The following CCSER2 variants were observed in gnomAD, a reference collection of about 807,000 sequenced individuals.
CCSER2 encodes the protein coiled-coil serine rich protein 2.
In CCSER2, 46 loss-of-function variants were observed where a neutral mutation model predicts 92.3. That is an observed-to-expected ratio of 0.50 (90% CI 0.39 to 0.64). The LOEUF (loss-of-function observed/expected upper bound fraction) is 0.64, where lower values mean the gene tolerates loss of function less well. Ranked by LOEUF, CCSER2 falls within the 30% of genes least tolerant of loss-of-function variation. The pLI is 0.00. For missense variants in CCSER2, 1,244 were observed against 1,238.9 expected, an observed-to-expected ratio of 1.00 and a Z score of -0.06; for synonymous variants, 433 against 431.4, an observed-to-expected ratio of 1.00 and a Z score of -0.04.
rs372200920 is a variant in CCSER2 at position 84,347,782 on chromosome 10, G to A, written c.-40+18974G>A. On this transcript the variant is annotated intron_variant, in intron 1 of 9. Coordinates refer to ENST00000372088, the MANE Select transcript of CCSER2 (RefSeq NM_001284240.2). The stretch of plus-strand genomic sequence containing the variant: ...GGAGGGGCTCCTTCTCAGACGGGGC[G>A]GCTGGACAGAGACGCTCCTCACCTC... 1.5e-4 allele frequency among the ~76,000 whole-genome samples: 23 copies of A among 151,624 alleles called. No homozygotes were observed. In the South Asian group the frequency reaches 1.9e-3, roughly 12 times the overall value.
intron 3 of CCSER2, among the ~76,000 whole-genome samples, chr10:84,398,208 G>A (rs1200834412): frequency 6.6e-6 from 1 of 152,108 alleles, no homozygotes; most frequent in Non-Finnish European, 1.5e-5. Flanking sequence ...TCCTTCCTCT[G>A]TCTTCAAACC....
intron 4 of CCSER2, among the ~76,000 whole-genome samples, chr10:84,424,774 A>G (rs1843341312): frequency 6.6e-6 from 1 of 151,964 alleles, no homozygotes; most frequent in African/African-American, 2.4e-5. Context: ...GACTAGAGAA[A>G]CCTTTCCTGT....
At chr10:84,406,518 T>A (rs1842385847) in intron 3 of CCSER2, among the ~76,000 whole-genome samples, 1 of 152,192 alleles carries the variant, frequency 6.6e-6, no homozygotes. Flanking sequence ...TCTATTTGAA[T>A]AGAAATGTGT....
At chr10:84,356,022 G>A (rs1845149203) in intron 1 of CCSER2, among the ~76,000 whole-genome samples, 1 of 150,088 alleles carries the variant, frequency 6.7e-6, no homozygotes, top group Admixed American at 6.7e-5. Flanking sequence ...AGAATCACTT[G>A]AACCTGGGAG....
At chr10:84,388,357 C>T (rs1841340831) in intron 3 of CCSER2, among the ~76,000 whole-genome samples, 1 of 152,118 alleles carries the variant, frequency 6.6e-6, no homozygotes, top group African/African-American at 2.4e-5. Flanking sequence ...TACATTTGTC[C>T]TTTCACTGTG....
At chr10:84,402,392 A>AAAAAC (rs1186008639) in intron 3 of CCSER2, among the ~76,000 whole-genome samples, 3 of 152,206 alleles carry the variant, frequency 2.0e-5, no homozygotes, top group African/African-American at 4.8e-5. Flanking sequence ...ACTAACATGT[A>AAAAAC]AAAACAAAAC....
intron 3 of CCSER2, among the ~76,000 whole-genome samples, chr10:84,385,003 A>AC (rs1425736444): frequency 1.0e-4 from 15 of 147,960 alleles, no homozygotes; most frequent in African/African-American, 3.5e-4. Flanking sequence ...AATTTACAAT[A>AC]AACACACACA....
At position 84,460,651 on chromosome 10, in the gene CCSER2, A is replaced by G. The variant is rs1357579296; in HGVS notation, c.2065-3282A>G. Among the ~76,000 whole-genome samples the G allele has an allele frequency of 2.6e-5, 4 of 151,394 alleles. No homozygotes were observed. The East Asian group carries it at 7.8e-4, about 29-fold the overall frequency. ...TTTAAACCATGAATTCATTTTTATT[A>G]GTAGTCATATGTTTACACAGCTTAT... On this transcript the variant is annotated intron_variant, in intron 6 of 9. Transcript: ENST00000372088.
At chr10:84,437,612 T>C (rs189121493) in intron 5 of CCSER2, among the ~76,000 whole-genome samples, 1 of 152,284 alleles carries the variant, frequency 6.6e-6, no homozygotes, top group African/African-American at 2.4e-5. Flanking sequence ...AATATTTTGC[T>C]TTTTACTCCC....
At chr10:84,453,301 C>T (rs137984038) in intron 6 of CCSER2, among the ~76,000 whole-genome samples, 165 of 152,130 alleles carry the variant, frequency 1.1e-3, no homozygotes, top group African/African-American at 3.8e-3. Flanking sequence ...TCTTTGTGGG[C>T]TAGAACAGAG....
At chr10:84,337,912 T>C (rs1843930301) in intron 1 of CCSER2, among the ~76,000 whole-genome samples, 1 of 152,162 alleles carries the variant, frequency 6.6e-6, no homozygotes. Context: ...GTTGGTTATG[T>C]ATTTGTTAAG....
chr10:84,380,427 G>GT (rs1840834476), intron 3 of CCSER2, among the ~76,000 whole-genome samples: 2 of 151,872 alleles, frequency 1.3e-5, no homozygotes, highest in Admixed American at 1.3e-4. Context: ...CTTCTGTTTT[G>GT]TTTTTTGTAT....
intron 6 of CCSER2, among the ~76,000 whole-genome samples, chr10:84,459,869 C>T (rs990968347): frequency 4.0e-5 from 6 of 151,812 alleles, no homozygotes; most frequent in African/African-American, 1.5e-4. Flanking sequence ...TCTTTTATTC[C>T]TAGCTTTCTG....
intron 5 of CCSER2, among the ~76,000 whole-genome samples, chr10:84,427,712 C>G (rs999025513): frequency 2.0e-5 from 3 of 152,092 alleles, no homozygotes; most frequent in African/African-American, 7.2e-5. Flanking sequence ...CTGCCCAGAC[C>G]TCCTTTTTTT....
At chr10:84,342,072 T>C (rs1331283865) in intron 1 of CCSER2, among the ~76,000 whole-genome samples, 2 of 149,854 alleles carry the variant, frequency 1.3e-5, no homozygotes, top group African/African-American at 2.5e-5. Context: ...TTCCCCCCCC[T>C]GGAGGTTGGG....
chr10:84,336,067 T>G (rs192215670), intron 1 of CCSER2, among the ~76,000 whole-genome samples: 3 of 152,248 alleles, frequency 2.0e-5, no homozygotes, highest in Admixed American at 6.5e-5. Flanking sequence ...ATTTTAGGAG[T>G]AGTATGGTAT....
intron 9 of CCSER2, among the ~76,000 whole-genome samples, chr10:84,490,960 T>C (rs182417592): frequency 7.9e-4 from 120 of 152,340 alleles, no homozygotes; most frequent in African/African-American, 2.8e-3. Flanking sequence ...CTTCTAATAG[T>C]CAGGACCCTC....
intron 3 of CCSER2, among the ~76,000 whole-genome samples, chr10:84,399,941 C>T (rs1023519879): frequency 6.6e-6 from 1 of 151,698 alleles, no homozygotes; most frequent in East Asian, 1.9e-4. Flanking sequence ...AACCATCTTA[C>T]TGGGCGTTAA....
intron 6 of CCSER2, among the ~76,000 whole-genome samples, chr10:84,448,688 T>C (rs772916258): frequency 3.3e-5 from 5 of 152,236 alleles, no homozygotes; most frequent in Admixed American, 2.6e-4. Context: ...ATTCAAGATA[T>C]AGACCATTTC....
Sources: allele counts gnomAD v4.1 joint callset (sites outside exome capture counted in the v4.1 genomes callset), GRCh38; gene constraint gnomAD v4.1.1; transcripts MANE v1.5; gene names NCBI Gene and HGNC (gene_info 2026-07-23, HGNC 2026-07-21).